Variants in CNOT3 observed in about 807,000 individuals in gnomAD.
The protein encoded by CNOT3 is CCR4-associated factor 3.
In CNOT3, 2 loss-of-function variants were observed where a neutral mutation model predicts 89.4. The ratio of observed to expected loss-of-function variants is 0.02; its 90% confidence interval spans 0.01 to 0.07. CNOT3 has a LOEUF of 0.07. CNOT3 is among the 10% of genes least tolerant of loss of function. The pLI is 1.00. For missense variants in CNOT3, 664 were observed against 1,010.2 expected (o/e 0.66, Z 4.65); for synonymous variants, 486 against 402.0 (o/e 1.21, Z -2.50).
rs201212915 is a variant in CNOT3, at chr19:54,146,591, C to G, written c.838-10C>G. ...TCACACAGGTTTCTATTCTGCCTCC[C>G]CTACCTCAGGAAAACTCTGAAGATG... On this transcript the variant is annotated splice_polypyrimidine_tract_variant and intron_variant, in intron 9 of 17. Coordinates refer to ENST00000221232, the MANE Select transcript of CNOT3 (RefSeq NM_014516.4). 50 of 1,411,982 alleles carry G rather than the reference C, an allele frequency of 3.5e-5. No individual in the cohort carries two copies. In the African/African-American group the frequency reaches 4.7e-4, roughly 13 times the overall value. The allele number at this position is 1,411,982 out of a possible 1,614,324, so 87.5% of individuals were successfully genotyped here.
intron 1 of CNOT3, among the ~76,000 whole-genome samples, chr19:54,140,229 G>A (rs1262897717): frequency 2.6e-5 from 4 of 152,108 alleles, no homozygotes; most frequent in Non-Finnish European, 5.9e-5. Flanking sequence ...CTCCTGTGAG[G>A]CTGGTGTCCT....
intron 17 of CNOT3, 22 bp from the exon 18 acceptor site, chr19:54,155,283 CACTG>C: frequency 6.2e-7 from 1 of 1,611,572 alleles, no homozygotes; most frequent in Non-Finnish European, 8.5e-7. Context: ...CTCGTCCACT[CACTG>C]ACCGCCTTCT....
rs184088187 is a variant in CNOT3, at chr19:54,145,217, A to G, written c.484-381A>G. Among the ~76,000 whole-genome samples the G allele has an allele frequency of 2.4e-3, 367 of 152,178 alleles. 1 individual carries two copies. Among genetic ancestry groups the G allele is most frequent in the Middle Eastern group, 0.014 (4 of 294 alleles). On this transcript the variant is annotated intron_variant, in intron 7 of 17. Transcript: ENST00000221232. This position sits in a 1 kb window ranked among gnomAD's most constrained non-coding sequence, Gnocchi z 5.9. ...CATTGTTACTGCTGGAGCAGGTCGG[A>G]GGGTATCTGTATGCCAGAGGCAGTC... is the stretch of plus-strand genomic sequence containing the variant.
chr19:54,148,421 C>A lies in CNOT3; in HGVS notation c.1168C>A (p.Pro390Thr), dbSNP rs775300624. 6.4e-7 allele frequency: 1 copy of A among 1,562,438 alleles called. No homozygotes were observed. Among genetic ancestry groups the A allele is most frequent in the Non-Finnish European group, 8.7e-7 (1 of 1,152,328 alleles). The change falls in exon 11 of 18, where the codon CCC (proline) becomes ACC (threonine). Residue 390 changes from proline (P) to threonine (T), a missense_variant. Around this residue, in one of 8 missense-constraint regions of CNOT3, gnomAD observed 545 missense variants for 566.2 expected, o/e 0.96. Coordinates refer to ENST00000221232, the MANE Select transcript of CNOT3 (RefSeq NM_014516.4). This position sits in a 1 kb window ranked among gnomAD's most constrained non-coding sequence, Gnocchi z 6.3. ...PSGPSTTQPR[P>T]PSVQPSGGGG... ...TGGGCCCAGCACGACCCAGCCCCGG[C>A]CCCCCAGCGTCCAGCCTAGCGGAGG...
At chr19:54,153,889 C>T (rs374836535) in intron 17 of CNOT3, 49 bp downstream of exon 17, 5 of 1,612,444 alleles carry the variant, frequency 3.1e-6, no homozygotes, top group South Asian at 2.2e-5. Context: ...GGGGTAGAGT[C>T]CCCAGGCTCC....
Position 54,144,980 on chromosome 19 carries a change from A to G in CNOT3, c.484-618A>G, listed in dbSNP as rs1046957765. The stretch of plus-strand genomic sequence containing the variant: ...GTGTCAGACTCTGAGGGGTTTGGGA[A>G]CCAGGGGCTTTCGGGGAGATGATGG... On this transcript the variant is annotated intron_variant, in intron 7 of 17. Coordinates refer to ENST00000221232, the MANE Select transcript of CNOT3 (RefSeq NM_014516.4). This position sits in a 1 kb window ranked among gnomAD's most constrained non-coding sequence, Gnocchi z 4.8. 8.5e-5 allele frequency among the ~76,000 whole-genome samples: 13 copies of G among 152,116 alleles called. No individual in the cohort carries two copies. The South Asian group carries it at 1.0e-3, about 12-fold the overall frequency.
chr19:54,148,186 C>A lies in CNOT3; in HGVS notation c.933C>A (p.Asn311Lys). Residue 311 changes from asparagine to lysine, a missense_variant, in exon 11 of 18, where the codon AAC (asparagine) becomes AAA (lysine). Around this residue, in one of 8 missense-constraint regions of CNOT3, gnomAD observed 545 missense variants for 566.2 expected, o/e 0.96. Coordinates refer to ENST00000221232, the MANE Select transcript of CNOT3 (RefSeq NM_014516.4). The surrounding 1 kb of genome is among the most constrained non-coding windows in gnomAD (Gnocchi z 6.3). ...ACGGCTCCAAGCCTGTCCACAGCAACCAGCACCCTCAGTCCCCAGCTGTGC... is the reference window on the plus strand; with the variant it reads ...ACGGCTCCAAGCCTGTCCACAGCAAACAGCACCCTCAGTCCCCAGCTGTGC... ...AKNGSKPVHS[N>K]QHPQSPAVPP... 1 of 1,567,460 alleles carries A rather than the reference C, an allele frequency of 6.4e-7. No individual in the cohort carries two copies. The highest frequency in any genetic ancestry group is 8.6e-7 in the Non-Finnish European group (1 of 1,158,400).
chr19:54,143,780 G>GT, intron 5 of CNOT3, 31 bp downstream of exon 5: 1 of 1,600,206 alleles, frequency 6.2e-7, no homozygotes. Context: ...TCCCAGAGAG[G>GT]TGGGAAGGTC....
intron 1 of CNOT3, among the ~76,000 whole-genome samples, chr19:54,138,409 CGCCCTCTCGGGGCTCAGGTGCCT>C (rs1410981837): frequency 6.6e-6 from 1 of 152,146 alleles, no homozygotes; most frequent in African/African-American, 2.4e-5. Flanking sequence ...CCCAGGTGCC[CGCCCTCTCGGGGCTCAGGTGCCT>C]GCCCCCCTCG....
chr19:54,139,601 G>A (rs1568623699), intron 1 of CNOT3, among the ~76,000 whole-genome samples: 2 of 152,076 alleles, frequency 1.3e-5, no homozygotes, highest in South Asian at 4.1e-4. Context: ...TGGATTTGAG[G>A]TGTCCACGCC....
rs745922399 is a variant in CNOT3 at position 54,148,710 on chromosome 19, C to T, written c.1373C>T (p.Pro458Leu). Residue 458 changes from proline to leucine, a missense_variant, in exon 12 of 18, where the codon CCT becomes CTT. Pro to Leu is a moderately conservative substitution (Grantham distance 98, BLOSUM62 -3). Coordinates refer to ENST00000221232, the MANE Select transcript of CNOT3 (RefSeq NM_014516.4). The surrounding 1 kb of genome is among the most constrained non-coding windows in gnomAD (Gnocchi z 6.3). ...NNASSQALGP[P>L]SGPHNPPPST... ...GCCAGCAGCCAGGCCTTGGGCCCCC[C>T]TTCCGGCCCCCACAACCCACCTCCC... 10 of 1,611,796 alleles carry T rather than the reference C, an allele frequency of 6.2e-6. No homozygotes were observed. The East Asian group carries it at 1.3e-4, about 22-fold the overall frequency.
At chr19:54,153,937 C>T (rs1408387259) in intron 17 of CNOT3, 97 bp downstream of exon 17, 2 of 1,510,952 alleles carry the variant, frequency 1.3e-6, no homozygotes, top group African/African-American at 1.4e-5. Flanking sequence ...TTGCCTCCAC[C>T]TTTCAGCTGG....
intron 15 of CNOT3, 69 bp from the exon 16 acceptor site, chr19:54,152,798 T>G: frequency 1.1e-6 from 1 of 871,440 alleles, no homozygotes; most frequent in Non-Finnish European, 1.9e-6. Context: ...GGGATGCATG[T>G]CTGAGCACCC....
At chr19:54,149,529 C>T in intron 12 of CNOT3, 31 bp from the exon 13 acceptor site, 7 of 1,466,496 alleles carry the variant, frequency 4.8e-6, no homozygotes, top group Non-Finnish European at 5.5e-6. Context: ...GGACCCTCCT[C>T]TCAACCCCCT....
intron 3 of CNOT3, 22 bp downstream of exon 3, chr19:54,143,208 T>C: frequency 1.9e-6 from 3 of 1,606,602 alleles, no homozygotes; most frequent in Middle Eastern, 1.7e-4. Context: ...GAGACCCTAA[T>C]AATCTGGGTC....
rs773341348 is a variant in CNOT3 at position 54,143,526 on chromosome 19, C to T, written c.168+10C>T. ...GATTAAGAAGCTACAAGTGAGGGGGCTGGGGGCCTGGACGCCTTTGTCCTG... is the reference window on the plus strand; with the variant it reads ...GATTAAGAAGCTACAAGTGAGGGGGTTGGGGGCCTGGACGCCTTTGTCCTG... On this transcript the variant is annotated intron_variant, in intron 4 of 17. Transcript: ENST00000221232. The T allele has an allele frequency of 6.2e-7, 1 of 1,613,666 alleles. No homozygotes were observed. Among genetic ancestry groups the T allele is most frequent in the Non-Finnish European group, 8.5e-7 (1 of 1,179,722 alleles).
intron 1 of CNOT3, among the ~76,000 whole-genome samples, chr19:54,139,264 C>T (rs1461572918): frequency 6.6e-6 from 1 of 152,176 alleles, no homozygotes; most frequent in Non-Finnish European, 1.5e-5. Context: ...TCACACCAGT[C>T]TCCTCCTTTA....
chr19:54,151,349 G>A (rs1480829976), intron 13 of CNOT3, among the ~76,000 whole-genome samples: 1 of 152,116 alleles, frequency 6.6e-6, no homozygotes. Flanking sequence ...GAGAGGACAG[G>A]CCTGGGCTGT....
chr19:54,139,425 A>AC (rs2074359266), intron 1 of CNOT3, among the ~76,000 whole-genome samples: 1 of 152,058 alleles, frequency 6.6e-6, no homozygotes, highest in Non-Finnish European at 1.5e-5. Context: ...CGCTGCTGGT[A>AC]CCCCATGAGA....
Sources: allele counts gnomAD v4.1 joint callset (sites outside exome capture counted in the v4.1 genomes callset), GRCh38; gene constraint gnomAD v4.1.1; regional missense constraint gnomAD v4.1.1; non-coding constraint Gnocchi (gnomAD v3.1); transcripts MANE v1.5; gene names NCBI Gene and HGNC (gene_info 2026-07-23, HGNC 2026-07-21).